Variants in MTMR3 observed in about 807,000 individuals in gnomAD.
MTMR3 encodes the protein phosphatidylinositol-3,5-bisphosphate 3-phosphatase MTMR3.
In MTMR3, 32 loss-of-function variants were observed where a neutral mutation model predicts 132.4. The ratio of observed to expected loss-of-function variants is 0.24; its 90% confidence interval spans 0.18 to 0.32. MTMR3 has a LOEUF of 0.32. Among genes scored for constraint, MTMR3 ranks in the 10% least tolerant of loss-of-function variants. The pLI is 1.00. For missense variants in MTMR3, 1,216 were observed against 1,489.6 expected (o/e 0.82, Z 3.02); for synonymous variants, 556 against 550.3 (o/e 1.01, Z -0.14).
chr22:29,956,387 C>G (rs1191652386), intron 1 of MTMR3, among the ~76,000 whole-genome samples: 1 of 152,114 alleles, frequency 6.6e-6, no homozygotes, highest in African/African-American at 2.4e-5. Context: ...GCTGGGATCA[C>G]AGGCGCATGC....
intron 1 of MTMR3, among the ~76,000 whole-genome samples, chr22:29,889,417 G>A (rs1156387702): frequency 1.3e-5 from 2 of 151,202 alleles, no homozygotes; most frequent in African/African-American, 4.9e-5. Context: ...CTCCTGAGTA[G>A]TTGGGATTAC....
At chr22:29,888,926 G>A (rs2064736093) in intron 1 of MTMR3, among the ~76,000 whole-genome samples, 1 of 151,740 alleles carries the variant, frequency 6.6e-6, no homozygotes, top group Non-Finnish European at 1.5e-5. Flanking sequence ...TTATAACTTA[G>A]TTGCAGAAGA....
At chr22:29,919,876 A>G (rs898926860) in intron 1 of MTMR3, among the ~76,000 whole-genome samples, 1 of 152,170 alleles carries the variant, frequency 6.6e-6, no homozygotes, top group Non-Finnish European at 1.5e-5. Context: ...TCAACACAGT[A>G]TAAGTATTTT....
chr22:30,012,152 T>C, intron 12 of MTMR3: 3 of 501,798 alleles, frequency 6.0e-6, no homozygotes, highest in Non-Finnish European at 1.0e-5. Flanking sequence ...TGCTATTAAT[T>C]GTAGCCCCTA....
At chr22:29,973,330 C>G (rs1346876611) in intron 3 of MTMR3, among the ~76,000 whole-genome samples, 1 of 152,170 alleles carries the variant, frequency 6.6e-6, no homozygotes, top group Non-Finnish European at 1.5e-5. Flanking sequence ...GTACAGTGCA[C>G]TCATATGAAC....
rs2066575797 is a variant in MTMR3 at position 29,973,531 on chromosome 22, GC to G, written c.3+2470del. Among the ~76,000 whole-genome samples, 4 of 152,286 alleles carry G rather than the reference GC, an allele frequency of 2.6e-5. No individual in the cohort carries two copies. In the South Asian group the frequency reaches 8.3e-4, roughly 32 times the overall value. On this transcript the variant is annotated intron_variant, in intron 3 of 19. Coordinates refer to ENST00000401950, the MANE Select transcript of MTMR3 (RefSeq NM_021090.4). ...ATAATTATTTTCACTTCTACGCTTT[GC>G]AAACACGAACACTAGATATGAATTC...
intron 2 of MTMR3, among the ~76,000 whole-genome samples, chr22:29,967,246 C>T (rs1204977196): frequency 6.7e-6 from 1 of 149,662 alleles, no homozygotes; most frequent in African/African-American, 2.5e-5. Context: ...TGCGCGCGCG[C>T]GCGCATGTTT....
chr22:29,927,930 C>T (rs1369943326), intron 1 of MTMR3, among the ~76,000 whole-genome samples: 1 of 143,824 alleles, frequency 7.0e-6, no homozygotes, highest in Non-Finnish European at 1.5e-5. Flanking sequence ...GCTAAAATCT[C>T]TAGCCTTTGT....
chr22:30,011,349 G>A (rs932409689), intron 12 of MTMR3: 2 of 152,130 alleles, frequency 1.3e-5, no homozygotes, highest in African/African-American at 4.8e-5. Flanking sequence ...TACTCCCAAG[G>A]GGCAGCTACT....
At chr22:29,948,557 A>G (rs1189370006) in intron 1 of MTMR3, among the ~76,000 whole-genome samples, 2 of 152,170 alleles carry the variant, frequency 1.3e-5, no homozygotes, top group African/African-American at 4.8e-5. Flanking sequence ...TTATTTATAC[A>G]TGGGCGTACT....
chr22:29,973,740 C>T (rs923479971), intron 3 of MTMR3, among the ~76,000 whole-genome samples: 1 of 152,194 alleles, frequency 6.6e-6, no homozygotes, highest in East Asian at 1.9e-4. Flanking sequence ...GCTGAGATTA[C>T]AGGCGCTTGC....
intron 17 of MTMR3, chr22:30,021,759 C>T (rs1285832320): frequency 2.4e-6 from 1 of 422,678 alleles, no homozygotes; most frequent in African/African-American, 2.0e-5. Flanking sequence ...ATTTTGGTCA[C>T]TTCCCTCTCA....
intron 7 of MTMR3, chr22:29,995,614 A>T (rs957342591): frequency 1.3e-5 from 2 of 152,234 alleles, no homozygotes; most frequent in Non-Finnish European, 2.9e-5. Context: ...CTGAAAAGGG[A>T]CAAAGGCAGA....
At chr22:29,964,768 C>T (rs1205645253) in intron 2 of MTMR3, among the ~76,000 whole-genome samples, 1 of 152,168 alleles carries the variant, frequency 6.6e-6, no homozygotes, top group Non-Finnish European at 1.5e-5. Flanking sequence ...CCACATCAAC[C>T]AGGGTGATCT....
At chr22:29,931,108 A>G (rs1232706457) in intron 1 of MTMR3, among the ~76,000 whole-genome samples, 1 of 152,038 alleles carries the variant, frequency 6.6e-6, no homozygotes, top group Non-Finnish European at 1.5e-5. Flanking sequence ...TTGTTTCTGA[A>G]TTGATTTGGC....
chr22:29,898,558 A>G (rs1464631207), intron 1 of MTMR3, among the ~76,000 whole-genome samples: 1 of 152,102 alleles, frequency 6.6e-6, no homozygotes, highest in African/African-American at 2.4e-5. Flanking sequence ...TTGGGCCACC[A>G]TTCCCTGCTA....
intron 1 of MTMR3, among the ~76,000 whole-genome samples, chr22:29,903,594 G>C (rs1214368963): frequency 6.6e-6 from 1 of 151,788 alleles, no homozygotes; most frequent in Non-Finnish European, 1.5e-5. Flanking sequence ...AGATGGGGTT[G>C]CGTCATGTTG....
Position 29,978,437 on chromosome 22 carries a change from T to C in MTMR3, c.4-5T>C, listed in dbSNP as rs1569033307. 4 of 1,607,112 alleles carry C rather than the reference T, an allele frequency of 2.5e-6. No individual in the cohort carries two copies. The highest frequency in any genetic ancestry group is 3.4e-6 in the Non-Finnish European group (4 of 1,175,728). On this transcript the variant is annotated splice_region_variant and splice_polypyrimidine_tract_variant and intron_variant, in intron 3 of 19. Coordinates refer to ENST00000401950, the MANE Select transcript of MTMR3 (RefSeq NM_021090.4). The stretch of plus-strand genomic sequence containing the variant: ...AAATTATTTTAAGGTTTTGGACTTT[T>C]CCAGGATGAAGAGACTCGGCACAGC...
At chr22:29,887,567 C>T (rs1273853804) in intron 1 of MTMR3, among the ~76,000 whole-genome samples, 1 of 152,170 alleles carries the variant, frequency 6.6e-6, no homozygotes, top group East Asian at 1.9e-4. Context: ...AACCTTTCAG[C>T]ACATGTATCC....
Sources: gnomAD v4.1 joint callset for allele counts (sites outside exome capture counted in the v4.1 genomes callset) on GRCh38, gnomAD v4.1.1 for gene constraint, MANE v1.5 for transcripts, NCBI Gene and HGNC (gene_info 2026-07-23, HGNC 2026-07-21) for gene names.